Variants in PREX2 observed in about 807,000 individuals in gnomAD.
The protein encoded by PREX2 is phosphatidylinositol-3,4,5-trisphosphate dependent Rac exchange factor 2, also known as phosphatidylinositol 3,4,5-trisphosphate-dependent Rac exchanger 2 protein.
PREX2 carries 107 observed loss-of-function variants against 203.2 expected under a neutral mutation model. The ratio of observed to expected loss-of-function variants is 0.53; its 90% confidence interval spans 0.45 to 0.62. The LOEUF (loss-of-function observed/expected upper bound fraction) is 0.62. Among genes scored for constraint, PREX2 ranks in the 20% least tolerant of loss-of-function variants. PREX2 has a pLI of 0.00. For missense variants in PREX2, 1,777 were observed against 1,955.9 expected, an observed-to-expected ratio of 0.91 and a Z score of 1.72; for synonymous variants, 672 against 663.6, an observed-to-expected ratio of 1.01 and a Z score of -0.19.
In PREX2 at chr8:68,231,662, T is replaced by C. The variant is rs535103284; in HGVS notation, c.*284T>C. On this transcript the variant is annotated 3_prime_UTR_variant, in exon 40 of 40. Transcript: ENST00000288368. The stretch of plus-strand genomic sequence containing the variant: ...TAGAGTAAAATCCATCCCTGGGACA[T>C]AAAGAAAAAAATATTAGAGATTTAA... 10 of 292,598 alleles carry C rather than the reference T, an allele frequency of 3.4e-5. No homozygotes were observed. The highest frequency in any genetic ancestry group is 5.6e-5 in the Non-Finnish European group (9 of 159,994). The allele number at this position is 292,598 out of a possible 1,614,324, so 18.1% of individuals were successfully genotyped here.
chr8:68,174,718 T>C (rs1297450429), intron 35 of PREX2, among the ~76,000 whole-genome samples: 3 of 152,218 alleles, frequency 2.0e-5, no homozygotes, highest in Admixed American at 6.5e-5. Context: ...TTTTTTGTTG[T>C]TGTTGTTTGT....
chr8:68,033,695 C>G (rs1195133542), intron 6 of PREX2, among the ~76,000 whole-genome samples: 1 of 152,096 alleles, frequency 6.6e-6, no homozygotes, highest in Non-Finnish European at 1.5e-5. Flanking sequence ...GACTGAAGAT[C>G]AAAATCCAAG....
intron 37 of PREX2, among the ~76,000 whole-genome samples, chr8:68,202,234 C>T (rs1472014656): frequency 6.6e-6 from 1 of 152,070 alleles, no homozygotes; most frequent in Admixed American, 6.6e-5. Flanking sequence ...AACCAGCCCT[C>T]ACCAGGCAAT....
At chr8:67,956,628 T>C (rs1436527949) in intron 1 of PREX2, among the ~76,000 whole-genome samples, 2 of 152,186 alleles carry the variant, frequency 1.3e-5, no homozygotes, top group South Asian at 2.1e-4. Context: ...GTGTAGGCCA[T>C]TTAACTGTGG....
intron 25 of PREX2, among the ~76,000 whole-genome samples, chr8:68,112,475 CG>C (rs1227965968): frequency 6.6e-6 from 1 of 151,454 alleles, no homozygotes; most frequent in African/African-American, 2.4e-5. Flanking sequence ...GTTAGTAACC[CG>C]GGGGTTACAG....
At chr8:68,005,760 A>G (rs1026561752) in intron 1 of PREX2, among the ~76,000 whole-genome samples, 3 of 152,030 alleles carry the variant, frequency 2.0e-5, no homozygotes, top group East Asian at 3.9e-4. Flanking sequence ...TGCTTTGTCT[A>G]TTTAGTGGTT....
intron 38 of PREX2, among the ~76,000 whole-genome samples, chr8:68,219,719 TTTC>T (rs1391032234): frequency 6.6e-6 from 1 of 152,110 alleles, no homozygotes; most frequent in Non-Finnish European, 1.5e-5. Flanking sequence ...GCCCCAGAGA[TTTC>T]TTCAACAGTC....
At chr8:68,199,005 G>C (rs9298130) in intron 37 of PREX2, among the ~76,000 whole-genome samples, 10,109 of 152,202 alleles carry the variant, frequency 0.066, 1,129 homozygotes, top group African/African-American at 0.23. Context: ...TACCTTTTAT[G>C]TTCGTGCTTT....
intron 35 of PREX2, among the ~76,000 whole-genome samples, chr8:68,158,049 GTA>G (rs1238417079): frequency 7.7e-6 from 1 of 130,152 alleles, no homozygotes; most frequent in African/African-American, 2.9e-5. Flanking sequence ...AATTATTAGT[GTA>G]TGTGTGTGTG....
At chr8:67,981,580 T>C (rs574300114) in intron 1 of PREX2, among the ~76,000 whole-genome samples, 2 of 152,250 alleles carry the variant, frequency 1.3e-5, no homozygotes, top group African/African-American at 4.8e-5. Flanking sequence ...ACCAAATAAA[T>C]ATGTCTAAGT....
intron 39 of PREX2, among the ~76,000 whole-genome samples, chr8:68,229,276 C>T (rs1813119775): frequency 6.6e-6 from 1 of 152,158 alleles, no homozygotes; most frequent in Non-Finnish European, 1.5e-5. Flanking sequence ...CAAAACCAAA[C>T]CTTTTTCGTG....
chr8:68,114,754 A>G (rs80114907), intron 25 of PREX2, among the ~76,000 whole-genome samples: 3,357 of 152,088 alleles, frequency 0.022, 106 homozygotes, highest in African/African-American at 0.068. Flanking sequence ...ATTGTATGTA[A>G]CTCTGTTTAG....
chr8:68,062,917 T>C (rs1233176793), intron 11 of PREX2, among the ~76,000 whole-genome samples: 2 of 152,154 alleles, frequency 1.3e-5, no homozygotes, highest in African/African-American at 4.8e-5. Context: ...ATATAGCAAA[T>C]GCCTGGCATT....
At chr8:68,026,946 A>G (rs1055741355) in intron 4 of PREX2, among the ~76,000 whole-genome samples, 14 of 152,142 alleles carry the variant, frequency 9.2e-5, no homozygotes, top group African/African-American at 3.4e-4. Flanking sequence ...CCATTCATTC[A>G]TCTCTCCATC....
intron 1 of PREX2, among the ~76,000 whole-genome samples, chr8:68,002,119 T>C (rs10156222): frequency 0.68 from 100,186 of 146,986 alleles, 34,456 homozygotes; most frequent in South Asian, 0.81. Flanking sequence ...GGAGAAGATA[T>C]TAATTTTGCC....
At chr8:68,090,400 A>G (rs1809832296) in intron 19 of PREX2, among the ~76,000 whole-genome samples, 179 bp from the exon 20 acceptor site, 9 of 152,210 alleles carry the variant, frequency 5.9e-5, no homozygotes, top group Admixed American at 5.9e-4. Flanking sequence ...ACAGTTTGAA[A>G]GTTAAGTTAA....
intron 28 of PREX2, 139 bp from the exon 29 acceptor site, chr8:68,120,057 A>G (rs1810737936): frequency 9.2e-6 from 5 of 541,498 alleles, no homozygotes; most frequent in Admixed American, 6.8e-5. Flanking sequence ...TATTTTATGT[A>G]AAGATCGATT....
intron 35 of PREX2, among the ~76,000 whole-genome samples, chr8:68,185,942 A>G (rs1812180406): frequency 6.7e-6 from 1 of 148,518 alleles, no homozygotes; most frequent in South Asian, 2.1e-4. Flanking sequence ...ATAATAAAAT[A>G]TGGTTAGTTT....
At chr8:68,095,486 C>A (rs1810031740) in intron 21 of PREX2, among the ~76,000 whole-genome samples, 1 of 151,632 alleles carries the variant, frequency 6.6e-6, no homozygotes, top group African/African-American at 2.4e-5. Flanking sequence ...AGCTTTTTTT[C>A]AGGAACGGGG....
Sources: allele counts gnomAD v4.1 joint callset (sites outside exome capture counted in the v4.1 genomes callset), GRCh38; gene constraint gnomAD v4.1.1; transcripts MANE v1.5; gene names NCBI Gene and HGNC (gene_info 2026-07-23, HGNC 2026-07-21).